The following GABRG3 variants were observed in gnomAD, a reference collection of about 807,000 sequenced individuals.
GABRG3 encodes gamma-aminobutyric acid type A receptor subunit gamma3.
In GABRG3, 25 loss-of-function variants were observed where a neutral mutation model predicts 48.8. That is an observed-to-expected ratio of 0.51 (90% CI 0.37 to 0.72). GABRG3 has a LOEUF of 0.72. Among genes scored for constraint, GABRG3 ranks in the 30% least tolerant of loss-of-function variants. The pLI is 0.00. For missense variants in GABRG3, 394 were observed against 577.9 expected (o/e 0.68, Z 3.26); for synonymous variants, 227 against 217.6 (o/e 1.04, Z -0.38).
Position 27,541,044 on chromosome 15 carries a change from C to G in GABRG3, c.*8163C>G, listed in dbSNP as rs1891652683. ...AGAGGGAGAGAGAGAAAGTGGCAATCTGTACATTTCCTGACAAAGTGGGAT... is the reference window on the plus strand; with the variant it reads ...AGAGGGAGAGAGAGAAAGTGGCAATGTGTACATTTCCTGACAAAGTGGGAT... On this transcript the variant is annotated 3_prime_UTR_variant, in exon 10 of 10. Coordinates refer to ENST00000615808, the MANE Select transcript of GABRG3 (RefSeq NM_033223.5). 2 of 152,226 alleles carry G rather than the reference C, an allele frequency of 1.3e-5. No homozygotes were observed. Among genetic ancestry groups the G allele is most frequent in the African/African-American group, 4.8e-5 (2 of 41,438 alleles). The allele number at this position is 152,226 out of a possible 1,614,324, so 9.4% of individuals were successfully genotyped here.
At chr15:27,394,999 A>G in intron 5 of GABRG3, among the ~76,000 whole-genome samples, 1 of 152,066 alleles carries the variant, frequency 6.6e-6, no homozygotes, top group South Asian at 2.1e-4. Context: ...AACTTTTTAT[A>G]TTATGTTTAG....
chr15:26,995,455 T>A (rs1895322178), intron 2 of GABRG3, among the ~76,000 whole-genome samples: 2 of 152,076 alleles, frequency 1.3e-5, no homozygotes, highest in Non-Finnish European at 2.9e-5. Context: ...ATATTATTGC[T>A]AATATGGTTA....
intron 3 of GABRG3, among the ~76,000 whole-genome samples, chr15:27,238,317 C>T (rs977395272): frequency 3.9e-5 from 6 of 152,226 alleles, no homozygotes; most frequent in African/African-American, 7.2e-5. Flanking sequence ...TAACGCCCAC[C>T]GGCCAGAGGA....
intron 6 of GABRG3, among the ~76,000 whole-genome samples, chr15:27,505,037 T>C (rs534645076): frequency 6.6e-6 from 1 of 152,256 alleles, no homozygotes; most frequent in African/African-American, 2.4e-5. Flanking sequence ...ACTTGACCAG[T>C]TTTTCCACTA....
chr15:27,422,590 G>A (rs563535086), intron 5 of GABRG3, among the ~76,000 whole-genome samples: 28 of 152,226 alleles, frequency 1.8e-4, no homozygotes, highest in Non-Finnish European at 3.5e-4. Flanking sequence ...ATCCATGGGA[G>A]TGGGTTATCT....
At chr15:26,983,907 G>C (rs577790051) in intron 2 of GABRG3, among the ~76,000 whole-genome samples, 2 of 152,106 alleles carry the variant, frequency 1.3e-5, no homozygotes, top group Non-Finnish European at 2.9e-5. Context: ...AGGGACACTA[G>C]ACCTCCTGTT....
chr15:27,384,821 A>G (rs983101201), intron 5 of GABRG3, among the ~76,000 whole-genome samples: 9 of 152,210 alleles, frequency 5.9e-5, no homozygotes, highest in Non-Finnish European at 1.3e-4. Flanking sequence ...TGAGCCTAAT[A>G]ATAACTTTCC....
chr15:27,329,302 C>T (rs568612945), intron 5 of GABRG3, among the ~76,000 whole-genome samples: 23 of 152,192 alleles, frequency 1.5e-4, no homozygotes, highest in South Asian at 1.0e-3. Context: ...TTGCTCTCGT[C>T]GCCCAGGCTG....
At position 26,975,989 on chromosome 15, in the gene GABRG3, A is replaced by G. The variant is rs553444468; in HGVS notation, c.54-1013A>G. ...AAATGCTGCTTTAAGGCAGAAAGAG[A>G]CTGTCTGCTCTCCAAGCCCAAATAA... On this transcript the variant is annotated intron_variant, in intron 1 of 9. Transcript: ENST00000615808. The surrounding 1 kb of genome is among the most constrained non-coding windows in gnomAD (Gnocchi z 4.6). 1.6e-4 allele frequency among the ~76,000 whole-genome samples: 25 copies of G among 152,288 alleles called. No homozygotes were observed. Among genetic ancestry groups the G allele is most frequent in the African/African-American group, 5.5e-4 (23 of 41,564 alleles).
At chr15:27,402,956 G>A (rs981874317) in intron 5 of GABRG3, among the ~76,000 whole-genome samples, 2 of 152,110 alleles carry the variant, frequency 1.3e-5, no homozygotes, top group African/African-American at 4.8e-5. Context: ...ATGTACCTAT[G>A]TGATCATCCT....
intron 3 of GABRG3, among the ~76,000 whole-genome samples, chr15:27,160,319 C>T (rs1338620766): frequency 1.3e-5 from 2 of 152,108 alleles, no homozygotes; most frequent in East Asian, 1.9e-4. Context: ...GCCCCAACCC[C>T]CTTTATCCTC....
At chr15:27,286,165 C>A (rs1891604711) in intron 3 of GABRG3, among the ~76,000 whole-genome samples, 1 of 152,178 alleles carries the variant, frequency 6.6e-6, no homozygotes. Flanking sequence ...CTGAATTCTT[C>A]CATGGAAATG....
At chr15:27,478,732 G>T (rs1890022364) in intron 5 of GABRG3, among the ~76,000 whole-genome samples, 2 of 152,174 alleles carry the variant, frequency 1.3e-5, no homozygotes, top group South Asian at 4.1e-4. Flanking sequence ...GTGAAAAAAT[G>T]GACTCAACCA....
chr15:27,221,387 G>A (rs1437890759), intron 3 of GABRG3, among the ~76,000 whole-genome samples: 1 of 151,990 alleles, frequency 6.6e-6, no homozygotes, highest in Non-Finnish European at 1.5e-5. Flanking sequence ...AAATCACAAA[G>A]CATATTGATA....
intron 3 of GABRG3, among the ~76,000 whole-genome samples, chr15:27,081,024 T>A (rs207475333): frequency 6.6e-6 from 1 of 152,094 alleles, no homozygotes; most frequent in Non-Finnish European, 1.5e-5. Flanking sequence ...GGTGAAATGG[T>A]CCCTAACGGG....
chr15:27,308,167 T>TGTTTATACATCCAAACATATATAAAC lies in GABRG3; in HGVS notation c.271-18642_271-18641insGTTTATACATCCAAACATATATAAAC, dbSNP rs1595663888. ...ATACATCCAAACATATATAAACATA[T>TGTTTATACATCCAAACATATATAAAC]ATGTTTATATATCCAAACATATATA... On this transcript the variant is annotated intron_variant, in intron 3 of 9. Coordinates refer to ENST00000615808, the MANE Select transcript of GABRG3 (RefSeq NM_033223.5). Among the ~76,000 whole-genome samples the TGTTTATACATCCAAACATATATAAAC allele has an allele frequency of 3.8e-4, 8 of 21,292 alleles. 1 individual carries two copies. In the South Asian group the frequency reaches 0.02, roughly 54 times the overall value. The allele number at this position is 21,292 out of a possible 152,430, so 14.0% of individuals were successfully genotyped here.
chr15:27,509,783 A>G (rs1165714351), intron 6 of GABRG3, among the ~76,000 whole-genome samples: 2 of 152,090 alleles, frequency 1.3e-5, no homozygotes, highest in African/African-American at 2.4e-5. Flanking sequence ...CATGTTGCCT[A>G]TTTCTCCATT....
chr15:27,029,905 G>C (rs2140685523), intron 3 of GABRG3, among the ~76,000 whole-genome samples: 1 of 152,248 alleles, frequency 6.6e-6, no homozygotes, highest in East Asian at 1.9e-4. Context: ...AGAATGATAA[G>C]GGCATCTCAC....
chr15:27,289,550 G>GT (rs1216663916), intron 3 of GABRG3, among the ~76,000 whole-genome samples: 1 of 152,188 alleles, frequency 6.6e-6, no homozygotes, highest in East Asian at 1.9e-4. Context: ...AGTGGCATCT[G>GT]TAAGACTCAA....
Sources: allele counts gnomAD v4.1 joint callset (sites outside exome capture counted in the v4.1 genomes callset), GRCh38; gene constraint gnomAD v4.1.1; non-coding constraint Gnocchi (gnomAD v3.1); transcripts MANE v1.5; gene names NCBI Gene and HGNC (gene_info 2026-07-23, HGNC 2026-07-21).